The following GPC5 variants were observed in gnomAD, a reference collection of about 807,000 sequenced individuals.
GPC5 encodes glypican-5.
Under a neutral mutation model 53.9 loss-of-function variants are expected in GPC5, and 47 were observed. The ratio of observed to expected loss-of-function variants is 0.87; its 90% CI spans 0.69 to 1.11. GPC5 has a LOEUF of 1.11. GPC5 is among the 50% of genes most tolerant of loss of function. GPC5 has a pLI of 0.00. For synonymous variants in GPC5, 286 were observed against 263.3 expected, an observed-to-expected ratio of 1.09 and a Z score of -0.84; for missense variants, 748 against 713.1, an observed-to-expected ratio of 1.05 and a Z score of -0.56.
At chr13:91,740,320 C>T (rs1383744473) in intron 4 of GPC5, among the ~76,000 whole-genome samples, 1 of 152,164 alleles carries the variant, frequency 6.6e-6, no homozygotes, top group Non-Finnish European at 1.5e-5. Context: ...AGTTCCTAAC[C>T]ATTTTTTTCT....
At chr13:92,395,758 T>TTG in intron 7 of GPC5, among the ~76,000 whole-genome samples, 1 of 152,162 alleles carries the variant, frequency 6.6e-6, no homozygotes, top group Non-Finnish European at 1.5e-5. Flanking sequence ...CTATATCTTC[T>TTG]TGCTTGCATG....
At chr13:92,037,865 TC>T (rs2040906219) in intron 6 of GPC5, among the ~76,000 whole-genome samples, 1 of 152,306 alleles carries the variant, frequency 6.6e-6, no homozygotes, top group East Asian at 1.9e-4. Flanking sequence ...TGGATTTTAC[TC>T]TGAGTAACAT....
chr13:91,762,469 C>G (rs2037434539), intron 5 of GPC5, among the ~76,000 whole-genome samples: 1 of 151,976 alleles, frequency 6.6e-6, no homozygotes, highest in Non-Finnish European at 1.5e-5. Context: ...ACGATCAGGT[C>G]TCAGGATTGT....
At chr13:91,728,144 T>G (rs1367546774) in intron 3 of GPC5, among the ~76,000 whole-genome samples, 1 of 152,146 alleles carries the variant, frequency 6.6e-6, no homozygotes, top group Admixed American at 6.5e-5. Flanking sequence ...AAGGATCCCA[T>G]ATTCAACAGC....
chr13:91,920,352 C>T (rs772268303), intron 6 of GPC5, among the ~76,000 whole-genome samples: 14 of 151,932 alleles, frequency 9.2e-5, no homozygotes, highest in East Asian at 1.9e-4. Context: ...ATTAAACAAT[C>T]GCAACACACA....
chr13:92,821,156 A>G (rs1877659806), intron 7 of GPC5, among the ~76,000 whole-genome samples: 2 of 152,258 alleles, frequency 1.3e-5, no homozygotes, highest in South Asian at 4.1e-4. Context: ...CCTTTGAACT[A>G]TCTTTCCTGC....
intron 2 of GPC5, among the ~76,000 whole-genome samples, chr13:91,475,100 A>T (rs1467732965): frequency 6.6e-6 from 1 of 152,218 alleles, no homozygotes; most frequent in East Asian, 1.9e-4. Flanking sequence ...AATTAATCTT[A>T]AATGTATATC....
At chr13:92,158,546 T>A (rs2041962350) in intron 7 of GPC5, among the ~76,000 whole-genome samples, 1 of 151,904 alleles carries the variant, frequency 6.6e-6, no homozygotes, top group Non-Finnish European at 1.5e-5. Flanking sequence ...CTCACCATCC[T>A]CCAAGACAGA....
At chr13:92,667,759 C>T (rs895647764) in intron 7 of GPC5, among the ~76,000 whole-genome samples, 2 of 152,118 alleles carry the variant, frequency 1.3e-5, no homozygotes, top group Non-Finnish European at 2.9e-5. Context: ...AGACATATTA[C>T]ATTTTTTAAA....
chr13:92,442,411 G>GT (rs1877610856), intron 7 of GPC5, among the ~76,000 whole-genome samples: 1 of 152,220 alleles, frequency 6.6e-6, no homozygotes, highest in South Asian at 2.1e-4. Flanking sequence ...GCAGTAAATA[G>GT]TACCAAATAA....
At chr13:92,231,035 C>G (rs1034235741) in intron 7 of GPC5, among the ~76,000 whole-genome samples, 16 of 152,118 alleles carry the variant, frequency 1.1e-4, no homozygotes, top group Admixed American at 2.6e-4. Context: ...AAGGGTTGGG[C>G]TTTGCTCTTT....
In GPC5 at chr13:92,628,381, C is replaced by A. The variant is rs1831866; in HGVS notation, c.1562-237901C>A. ...ACCTCCGCCTCCCGGGCTCATGCCA[C>A]TCTCCTGCCTCAGCCTGAATTAATC... On this transcript the variant is annotated intron_variant, in intron 7 of 7. Transcript: ENST00000377067. Among the ~76,000 whole-genome samples the A allele has an allele frequency of 9.0e-3, 1,357 of 150,028 alleles. 17 individuals carry two copies. Among genetic ancestry groups the A allele is most frequent in the African/African-American group, 0.031 (1,271 of 40,644 alleles).
In GPC5 at chr13:91,681,375, T is replaced by C. The variant is rs998561036; in HGVS notation, c.326-11812T>C. ...ACTCTGAATGTTGACAAGAAGCCCTTGCATTTCATTAGGAAGAGGTTGGCA... is the reference window on the plus strand; with the variant it reads ...ACTCTGAATGTTGACAAGAAGCCCTCGCATTTCATTAGGAAGAGGTTGGCA... On this transcript the variant is annotated intron_variant, in intron 2 of 7. Coordinates refer to ENST00000377067, the MANE Select transcript of GPC5 (RefSeq NM_004466.6). Among the ~76,000 whole-genome samples, 12 of 152,182 alleles carry C rather than the reference T, an allele frequency of 7.9e-5. 1 individual carries two copies. Among genetic ancestry groups the C allele is most frequent in the Admixed American group, 1.3e-4 (2 of 15,276 alleles).
At chr13:92,507,104 T>G (rs1880399143) in intron 7 of GPC5, among the ~76,000 whole-genome samples, 1 of 152,152 alleles carries the variant, frequency 6.6e-6, no homozygotes, top group African/African-American at 2.4e-5. Flanking sequence ...CATAATCATT[T>G]CTACCCTTTC....
chr13:91,734,851 T>C (rs1489487129), intron 4 of GPC5, among the ~76,000 whole-genome samples: 1 of 150,230 alleles, frequency 6.7e-6, no homozygotes, highest in Non-Finnish European at 1.5e-5. Context: ...TTAACTATAG[T>C]TTTTGAAAAA....
chr13:91,603,104 A>C (rs2033233703), intron 2 of GPC5, among the ~76,000 whole-genome samples: 1 of 152,240 alleles, frequency 6.6e-6, no homozygotes, highest in Non-Finnish European at 1.5e-5. Context: ...CTTTATTACA[A>C]TGTGAATATA....
intron 7 of GPC5, among the ~76,000 whole-genome samples, chr13:92,297,942 G>A (rs144988793): frequency 0.025 from 3,819 of 152,002 alleles, 152 homozygotes; most frequent in African/African-American, 0.086. Context: ...TGGGAGGAAC[G>A]AACAACTCCA....
At chr13:91,730,126 T>C (rs771999565) in intron 4 of GPC5, among the ~76,000 whole-genome samples, 10 of 152,192 alleles carry the variant, frequency 6.6e-5, no homozygotes, top group Non-Finnish European at 1.3e-4. Context: ...TGAACAACCA[T>C]AGGAACTGCA....
At chr13:92,434,821 G>A (rs1156298428) in intron 7 of GPC5, among the ~76,000 whole-genome samples, 1 of 152,114 alleles carries the variant, frequency 6.6e-6, no homozygotes, top group African/African-American at 2.4e-5. Context: ...TTCCACAGAG[G>A]AACCTATCGT....
Sources: allele counts gnomAD v4.1 joint callset (sites outside exome capture counted in the v4.1 genomes callset), GRCh38; gene constraint gnomAD v4.1.1; transcripts MANE v1.5; gene names NCBI Gene and HGNC (gene_info 2026-07-23, HGNC 2026-07-21).